The following DNAJC7 variants were observed in gnomAD, a reference collection of about 807,000 sequenced individuals.
DNAJC7 encodes DnaJ heat shock protein family (Hsp40) member C7, also known as dnaJ homolog subfamily C member 7.
DNAJC7 carries 18 observed loss-of-function variants against 67.4 expected under a neutral mutation model. That is an observed-to-expected ratio of 0.27 (90% CI 0.18 to 0.40). DNAJC7 has a LOEUF of 0.40. Ranked by LOEUF, DNAJC7 falls within the 10% of genes least tolerant of loss-of-function variation. DNAJC7 has a pLI of 1.00. For missense variants in DNAJC7, 419 were observed against 613.8 expected, an observed-to-expected ratio of 0.68 and a Z score of 3.35; for synonymous variants, 220 against 207.8, an observed-to-expected ratio of 1.06 and a Z score of -0.50.
chr17:42,006,338 A>G (rs1555650242), intron 1 of DNAJC7, among the ~76,000 whole-genome samples: 2 of 151,632 alleles, frequency 1.3e-5, no homozygotes, highest in African/African-American at 4.8e-5. Context: ...TTTTTTGAGA[A>G]AAGAGCTTTA....
intron 2 of DNAJC7, among the ~76,000 whole-genome samples, chr17:41,997,527 G>A (rs1269294912): frequency 6.6e-6 from 1 of 152,024 alleles, no homozygotes; most frequent in Non-Finnish European, 1.5e-5. Flanking sequence ...AATCTGGGAA[G>A]TGGAGGTTGC....
chr17:41,983,483 G>T, intron 10 of DNAJC7, 80 bp downstream of exon 10: 1 of 1,290,022 alleles, frequency 7.8e-7, no homozygotes, highest in Non-Finnish European at 1.1e-6. Context: ...CCTGATCCCT[G>T]AATCAAACTA....
At chr17:42,004,754 T>C in intron 1 of DNAJC7, among the ~76,000 whole-genome samples, 1 of 152,224 alleles carries the variant, frequency 6.6e-6, no homozygotes, top group East Asian at 1.9e-4. Context: ...GGGCGCAATG[T>C]CTCACGCCTG....
chr17:41,994,760 A>C (rs571387592), intron 5 of DNAJC7, 110 bp downstream of exon 5: 71 of 819,176 alleles, frequency 8.7e-5, no homozygotes, highest in Non-Finnish European at 1.3e-4. Flanking sequence ...GTGATAATTT[A>C]CTATTCTAGA....
intron 1 of DNAJC7, chr17:42,017,024 G>T: frequency 7.6e-7 from 1 of 1,315,562 alleles, no homozygotes; most frequent in Non-Finnish European, 9.7e-7. Context: ...CATCGACGCC[G>T]CGCCGCTTCC....
At chr17:42,012,356 G>A (rs1426435918) in intron 1 of DNAJC7, among the ~76,000 whole-genome samples, 2 of 152,184 alleles carry the variant, frequency 1.3e-5, no homozygotes, top group African/African-American at 4.8e-5. Flanking sequence ...GGTGGCACAC[G>A]CCTATAGTCC....
chr17:41,994,706 A>G (rs537634355), intron 5 of DNAJC7, among the ~76,000 whole-genome samples, 164 bp downstream of exon 5: 1 of 152,278 alleles, frequency 6.6e-6, no homozygotes, highest in Non-Finnish European at 1.5e-5. Flanking sequence ...TAAGTACCTT[A>G]GCACAAAACA....
chr17:42,001,357 T>A (rs2051802077), intron 1 of DNAJC7, among the ~76,000 whole-genome samples: 1 of 152,166 alleles, frequency 6.6e-6, no homozygotes, highest in South Asian at 2.1e-4. Context: ...CTAAGATCTA[T>A]TTTTTGAAAC....
In DNAJC7 at chr17:41,983,548, T is replaced by C. The variant is rs973441757; in HGVS notation, c.1084+15A>G. On this transcript the variant is annotated intron_variant, in intron 10 of 13. Transcript: ENST00000457167. Reference sequence around the variant, plus strand: ...TCCACACAGTTCCCTAAAAAACAAATGCTTTTAAACTTACCTTTTGTTTTC... The same window carrying C: ...TCCACACAGTTCCCTAAAAAACAAACGCTTTTAAACTTACCTTTTGTTTTC... 8.3e-6 allele frequency: 13 copies of C among 1,570,580 alleles called. No homozygotes were observed. The highest frequency in any genetic ancestry group is 7.0e-5 in the South Asian group (6 of 85,906).
At chr17:42,004,490 AT>A (rs1169441633) in intron 1 of DNAJC7, among the ~76,000 whole-genome samples, 1 of 152,194 alleles carries the variant, frequency 6.6e-6, no homozygotes, top group Non-Finnish European at 1.5e-5. Flanking sequence ...CACAGCTCTG[AT>A]TCACCAAGAG....
intron 7 of DNAJC7, 141 bp from the exon 8 acceptor site, chr17:41,989,037 A>G (rs1377572421): frequency 1.9e-6 from 2 of 1,029,162 alleles, no homozygotes; most frequent in Non-Finnish European, 2.8e-6. Context: ...AATCTGGGCT[A>G]TCTGTTGCTC....
At chr17:42,009,110 C>A (rs1353107885) in intron 1 of DNAJC7, among the ~76,000 whole-genome samples, 1 of 152,204 alleles carries the variant, frequency 6.6e-6, no homozygotes, top group African/African-American at 2.4e-5. Context: ...CCAACTGCTA[C>A]CTTTTAGCAA....
rs535769035 is a variant in DNAJC7 at position 41,999,343 on chromosome 17, A to T, written c.166+1139T>A. On this transcript the variant is annotated intron_variant, in intron 2 of 13. Transcript: ENST00000457167. ...TGGGGTAAGCAAATTAGGGGAGAAG[A>T]ACTCCTGACCTCAGGTGATCCGCCC... 7.9e-5 allele frequency among the ~76,000 whole-genome samples: 12 copies of T among 152,166 alleles called. No homozygotes were observed. In the South Asian group the frequency reaches 2.3e-3, roughly 29 times the overall value.
rs371495132 is a variant in DNAJC7 at position 41,977,476 on chromosome 17, A to C, written c.1385-153T>G. On this transcript the variant is annotated intron_variant, in intron 12 of 13. Coordinates refer to ENST00000457167, the MANE Select transcript of DNAJC7 (RefSeq NM_003315.4). ...CAACACTTCAGACTGCAAGTGAGCA[A>C]ACCTGCCCCATCCCGTGCAAAACAT... is the stretch of plus-strand genomic sequence containing the variant. The C allele has an allele frequency of 1.6e-4, 101 of 648,468 alleles. No individual in the cohort carries two copies. The African/African-American group carries it at 1.8e-3, about 12-fold the overall frequency. 40.2% of individuals were successfully genotyped at this position (648,468 alleles called of 1,614,324 possible).
chr17:42,017,000 T>C (rs2143400659), intron 1 of DNAJC7: 1 of 1,275,688 alleles, frequency 7.8e-7, no homozygotes, highest in Non-Finnish European at 1.0e-6. Flanking sequence ...TCGGGGGCGA[T>C]GTAAGGAAGT....
chr17:41,990,170 C>A (rs1362799531), intron 6 of DNAJC7, 94 bp downstream of exon 6: 1 of 1,253,716 alleles, frequency 8.0e-7, no homozygotes, highest in East Asian at 2.5e-5. Flanking sequence ...CCTAGCTGGC[C>A]TACTCTGGGG....
rs72820855 is a variant in DNAJC7 at position 42,002,422 on chromosome 17, G to A, written c.78-1852C>T. On this transcript the variant is annotated intron_variant, in intron 1 of 13. Transcript: ENST00000457167. ...ATAATGTACAGGGCTGCTGAAAGGT[G>A]CCCCTAGTCTCCTCCTTCCTAAGAC... is the stretch of plus-strand genomic sequence containing the variant. Among the ~76,000 whole-genome samples, 1,518 of 152,270 alleles carry A rather than the reference G, an allele frequency of 1.0e-2. 11 individuals carry two copies. The highest frequency in any genetic ancestry group is 0.015 in the Non-Finnish European group (1,044 of 68,012).
chr17:42,008,399 T>C (rs979729747), intron 1 of DNAJC7, among the ~76,000 whole-genome samples: 11 of 124,222 alleles, frequency 8.9e-5, no homozygotes, highest in African/African-American at 2.5e-4. Context: ...GGTATAGATA[T>C]ATATATATAG....
chr17:42,012,075 A>C (rs1416110995), intron 1 of DNAJC7, among the ~76,000 whole-genome samples: 1 of 152,252 alleles, frequency 6.6e-6, no homozygotes, highest in African/African-American at 2.4e-5. Context: ...TTATCAGCTC[A>C]AGGAATCAGG....
Sources: allele counts gnomAD v4.1 joint callset (sites outside exome capture counted in the v4.1 genomes callset), GRCh38; gene constraint gnomAD v4.1.1; transcripts MANE v1.5; gene names NCBI Gene and HGNC (gene_info 2026-07-23, HGNC 2026-07-21).